CSGALNACT1: variants seen among roughly 807,000 people sequenced by gnomAD.
The protein encoded by CSGALNACT1 is chondroitin sulfate N-acetylgalactosaminyltransferase 1, also known as beta4GalNAcT-1.
A neutral mutation model predicts 51.0 loss-of-function variants in CSGALNACT1; 52 were observed. The observed-to-expected ratio is 1.02, with a 90% CI of 0.82 to 1.29. CSGALNACT1 has a LOEUF of 1.29. Ranked by LOEUF, CSGALNACT1 falls within the 50% of genes most tolerant of loss-of-function variation. The probability of loss-of-function intolerance (pLI) is 0.00; values close to 1 mark genes in which losing one functional copy is unlikely to be tolerated. For missense variants in CSGALNACT1, 935 were observed against 679.2 expected, an observed-to-expected ratio of 1.38 and a Z score of -4.19; for synonymous variants, 341 against 254.4, an observed-to-expected ratio of 1.34 and a Z score of -3.24.
intron 3 of CSGALNACT1, among the ~76,000 whole-genome samples, chr8:19,521,663 A>G (rs897768920): frequency 6.6e-6 from 1 of 152,226 alleles, no homozygotes; most frequent in African/African-American, 2.4e-5. Context: ...GTCTCCAAAA[A>G]AAATAAAAAC....
intron 3 of CSGALNACT1, among the ~76,000 whole-genome samples, chr8:19,577,541 A>C (rs1434973460): frequency 6.8e-6 from 1 of 146,222 alleles, no homozygotes; most frequent in East Asian, 2.0e-4. Flanking sequence ...AGCCTCAGTG[A>C]CAGCAAGACC....
rs10104266 is a variant in CSGALNACT1 at position 19,631,742 on chromosome 8, G to A, written c.-543-29877C>T. 8.1e-3 allele frequency among the ~76,000 whole-genome samples: 1,235 copies of A among 152,308 alleles called. 21 individuals are homozygous for A. Among genetic ancestry groups the A allele is most frequent in the African/African-American group, 0.028 (1,169 of 41,580 alleles). ...AATAAAAATTGTATTCTGTTGACTA[G>A]GAGCCTCATAAAGGCACTTTCTTTA... On this transcript the variant is annotated intron_variant, in intron 1 of 9. Coordinates refer to the CSGALNACT1 transcript ENST00000332246.
At chr8:19,541,358 C>G (rs1008145073) in intron 3 of CSGALNACT1, among the ~76,000 whole-genome samples, 8 of 148,704 alleles carry the variant, frequency 5.4e-5, no homozygotes, top group Non-Finnish European at 3.0e-5. Flanking sequence ...TCATGCCATT[C>G]TCCTGCCTCA....
intron 3 of CSGALNACT1, among the ~76,000 whole-genome samples, chr8:19,590,732 T>C (rs1213475905): frequency 6.9e-6 from 1 of 144,750 alleles, no homozygotes; most frequent in Non-Finnish European, 1.5e-5. Flanking sequence ...TCACTGCAAC[T>C]TCCACCTTCT....
intron 4 of CSGALNACT1, among the ~76,000 whole-genome samples, chr8:19,466,825 C>T (rs1000897271): frequency 3.3e-5 from 5 of 152,184 alleles, no homozygotes; most frequent in African/African-American, 9.7e-5. Flanking sequence ...CATCACAGTT[C>T]ACCTATGTTC....
chr8:19,667,010 A>AG (rs1564386165), intron 1 of CSGALNACT1, among the ~76,000 whole-genome samples: 711 of 34,618 alleles, frequency 0.021, 68 homozygotes, highest in African/African-American at 0.043. Flanking sequence ...AAAGAAAGAA[A>AG]GAAAGAAAGG....
intron 3 of CSGALNACT1, among the ~76,000 whole-genome samples, chr8:19,550,913 C>T (rs1482243343): frequency 6.6e-6 from 1 of 152,156 alleles, no homozygotes; most frequent in African/African-American, 2.4e-5. Context: ...GTTTCCAAGT[C>T]CAAGGCTTCT....
chr8:19,630,683 T>TA (rs1412577559), intron 1 of CSGALNACT1, among the ~76,000 whole-genome samples: 2 of 152,246 alleles, frequency 1.3e-5, no homozygotes, highest in African/African-American at 4.8e-5. Context: ...TTGCTGTCTC[T>TA]ATAGTTTTAT....
At chr8:19,588,839 C>G (rs546727595) in intron 3 of CSGALNACT1, among the ~76,000 whole-genome samples, 1 of 152,182 alleles carries the variant, frequency 6.6e-6, no homozygotes, top group African/African-American at 2.4e-5. Context: ...ACTACCTTAG[C>G]TCCTCTTTTT....
At chr8:19,613,568 CGTT>C (rs1446695936) in intron 1 of CSGALNACT1, among the ~76,000 whole-genome samples, 1 of 152,228 alleles carries the variant, frequency 6.6e-6, no homozygotes, top group Non-Finnish European at 1.5e-5. Context: ...TCTTTCAGCT[CGTT>C]GTTTCCACAC....
intron 1 of CSGALNACT1, among the ~76,000 whole-genome samples, chr8:19,634,996 G>T (rs1189711085): frequency 6.6e-6 from 1 of 152,206 alleles, no homozygotes; most frequent in Non-Finnish European, 1.5e-5. Context: ...ATCGATTTTG[G>T]AAAGACAGGT....
chr8:19,424,438 A>T (rs2058460046), intron 6 of CSGALNACT1, among the ~76,000 whole-genome samples: 1 of 152,150 alleles, frequency 6.6e-6, no homozygotes, highest in African/African-American at 2.4e-5. Context: ...TGCCATCAGG[A>T]AGAGCCTCTG....
intron 3 of CSGALNACT1, among the ~76,000 whole-genome samples, chr8:19,587,286 G>C (rs994815121): frequency 6.6e-6 from 1 of 152,184 alleles, no homozygotes; most frequent in Non-Finnish European, 1.5e-5. Flanking sequence ...CAAATCAAAG[G>C]TTCAGAAACA....
At chr8:19,591,841 A>G (rs575787955) in intron 2 of CSGALNACT1, among the ~76,000 whole-genome samples, 2 of 152,310 alleles carry the variant, frequency 1.3e-5, no homozygotes, top group African/African-American at 2.4e-5. Flanking sequence ...AAATGTAGCT[A>G]TATTTAGTAT....
intron 1 of CSGALNACT1, among the ~76,000 whole-genome samples, chr8:19,664,754 C>G (rs1215416658): frequency 6.6e-6 from 1 of 152,076 alleles, no homozygotes; most frequent in Non-Finnish European, 1.5e-5. Flanking sequence ...ATAGTTGGAA[C>G]TGGAGGTAAT....
In CSGALNACT1 at chr8:19,601,768, T is replaced by C. The variant is rs1319326633; in HGVS notation, c.-416+3A>G. ...TGTTTCTTGAGTGAAAATGCTCACT[T>C]ACCTGGGGGTTCAAGAAGGGAAGGT... is the stretch of plus-strand genomic sequence containing the variant. On this transcript the variant is annotated splice_donor_region_variant and intron_variant, in intron 2 of 9. Coordinates refer to ENST00000454498, the Ensembl canonical transcript of CSGALNACT1. 1 of 452,980 alleles carries C rather than the reference T, an allele frequency of 2.2e-6. No individual in the cohort carries two copies. Among genetic ancestry groups the C allele is most frequent in the African/African-American group, 2.0e-5 (1 of 49,954 alleles). 28.1% of individuals were successfully genotyped at this position (452,980 alleles called of 1,614,324 possible).
intron 4 of CSGALNACT1, among the ~76,000 whole-genome samples, chr8:19,458,902 T>C (rs1284992663): frequency 6.6e-6 from 1 of 152,168 alleles, no homozygotes; most frequent in East Asian, 1.9e-4. Flanking sequence ...ACTGTATTCA[T>C]AGGATACAGA....
chr8:19,580,490 A>G lies in CSGALNACT1; in HGVS notation c.-297+10670T>C, dbSNP rs1038123245. Among the ~76,000 whole-genome samples, 8 of 152,322 alleles carry G rather than the reference A, an allele frequency of 5.3e-5. No individual in the cohort carries two copies. The East Asian group carries it at 1.5e-3, about 29-fold the overall frequency. On this transcript the variant is annotated intron_variant, in intron 3 of 9. Transcript: ENST00000454498. ...AACCAAATGAAAACAGACTAACTTG[A>G]AACTTCACTCCAATTATCATAATGG...
At chr8:19,523,239 C>T (rs1164463839) in intron 3 of CSGALNACT1, among the ~76,000 whole-genome samples, 2 of 152,138 alleles carry the variant, frequency 1.3e-5, no homozygotes, top group African/African-American at 2.4e-5. Context: ...TAAGATGTTC[C>T]TCAACAGCAT....
Sources: allele counts gnomAD v4.1 joint callset (sites outside exome capture counted in the v4.1 genomes callset), GRCh38; gene constraint gnomAD v4.1.1; transcripts MANE v1.5; gene names NCBI Gene and HGNC (gene_info 2026-07-23, HGNC 2026-07-21).